The following CDH4 variants were observed in gnomAD, a reference collection of about 807,000 sequenced individuals.
CDH4 encodes the protein cadherin 4, also known as cadherin-4.
Under a neutral mutation model 86.0 loss-of-function variants are expected in CDH4, and 33 were observed. That is an observed-to-expected ratio of 0.38 (90% CI 0.29 to 0.51). The LOEUF (loss-of-function observed/expected upper bound fraction) is 0.51, where lower values mean the gene tolerates loss of function less well. Among genes scored for constraint, CDH4 ranks in the 20% least tolerant of loss-of-function variants. The pLI, the probability that CDH4 is intolerant of heterozygous loss-of-function variation, is 0.86. For missense variants in CDH4, 1,114 were observed against 1,307.4 expected (o/e 0.85, Z 2.28); for synonymous variants, 555 against 549.4 (o/e 1.01, Z -0.14).
chr20:61,730,334 T>A (rs1335452456), intron 2 of CDH4, among the ~76,000 whole-genome samples: 1 of 152,038 alleles, frequency 6.6e-6, no homozygotes, highest in East Asian at 1.9e-4. Context: ...CATCCCTCCC[T>A]CCTCCCACGG....
At chr20:61,287,298 A>G (rs1481150601) in intron 2 of CDH4, among the ~76,000 whole-genome samples, 4 of 152,124 alleles carry the variant, frequency 2.6e-5, no homozygotes, top group Non-Finnish European at 5.9e-5. Flanking sequence ...CAACATCGAG[A>G]GACCTGGTCT....
At chr20:61,364,989 T>C (rs2123325526) in intron 2 of CDH4, among the ~76,000 whole-genome samples, 1 of 152,238 alleles carries the variant, frequency 6.6e-6, no homozygotes, top group Middle Eastern at 3.4e-3. Flanking sequence ...CCTGTTGAGG[T>C]TTAAGAACCA....
chr20:61,656,822 T>G (rs1468114556), intron 2 of CDH4, among the ~76,000 whole-genome samples: 2 of 152,178 alleles, frequency 1.3e-5, no homozygotes, highest in East Asian at 3.9e-4. Flanking sequence ...GTCCTGTGCC[T>G]CAGCTGTGAA....
intron 2 of CDH4, among the ~76,000 whole-genome samples, chr20:61,415,646 G>C (rs547978075): frequency 3.9e-5 from 6 of 152,190 alleles, no homozygotes; most frequent in African/African-American, 1.4e-4. Flanking sequence ...TTTGCATCTA[G>C]CTGTTTTCAC....
chr20:61,572,866 T>TGGATGGATGGATGGAC (rs1221730212), intron 2 of CDH4, among the ~76,000 whole-genome samples: 219 of 150,582 alleles, frequency 1.5e-3, no homozygotes, highest in African/African-American at 5.1e-3. Flanking sequence ...GATGGATGGA[T>TGGATGGATGGATGGAC]GGACAGACAG....
intron 3 of CDH4, among the ~76,000 whole-genome samples, chr20:61,759,111 C>T (rs889710148): frequency 1.3e-5 from 2 of 152,170 alleles, no homozygotes; most frequent in East Asian, 1.9e-4. Flanking sequence ...TCTATATACA[C>T]ACTTTGGGGA....
intron 2 of CDH4, among the ~76,000 whole-genome samples, chr20:61,742,718 T>C (rs968493310): frequency 3.3e-5 from 5 of 152,150 alleles, no homozygotes; most frequent in Non-Finnish European, 7.3e-5. Flanking sequence ...GTCTAAAAAA[T>C]GCACTAATGT....
chr20:61,295,059 AC>A (rs1296799641), intron 2 of CDH4, among the ~76,000 whole-genome samples: 2 of 152,234 alleles, frequency 1.3e-5, no homozygotes, highest in Admixed American at 1.3e-4. Context: ...CTGGTGGAAA[AC>A]AGCCTTTGGG....
At chr20:61,379,504 T>C (rs560100983) in intron 2 of CDH4, among the ~76,000 whole-genome samples, 1 of 152,108 alleles carries the variant, frequency 6.6e-6, no homozygotes, top group South Asian at 2.1e-4. Context: ...TGAAGGTCAT[T>C]AAGAAAATTC....
intron 2 of CDH4, among the ~76,000 whole-genome samples, chr20:61,508,710 C>G (rs1395270300): frequency 6.6e-6 from 1 of 152,256 alleles, no homozygotes; most frequent in African/African-American, 2.4e-5. Context: ...GCTGCCCCAC[C>G]TGGAATGCCT....
chr20:61,539,139 G>T (rs553672506), intron 2 of CDH4, among the ~76,000 whole-genome samples: 1 of 152,168 alleles, frequency 6.6e-6, no homozygotes, highest in East Asian at 1.9e-4. Context: ...CACCGTGGCC[G>T]GTGCACCCAC....
chr20:61,431,141 G>T (rs2085244082), intron 2 of CDH4, among the ~76,000 whole-genome samples: 1 of 152,210 alleles, frequency 6.6e-6, no homozygotes, highest in East Asian at 1.9e-4. Context: ...TCCCACTCCA[G>T]GGGAAGCACG....
intron 4 of CDH4, among the ~76,000 whole-genome samples, chr20:61,843,456 CAAA>C (rs869283452): frequency 5.1e-5 from 3 of 58,846 alleles, no homozygotes; most frequent in African/African-American, 1.5e-4. Context: ...GACTCCGTCT[CAAA>C]AAAAAAAAAA....
chr20:61,507,942 A>G (rs1264818176), intron 2 of CDH4, among the ~76,000 whole-genome samples: 1 of 152,260 alleles, frequency 6.6e-6, no homozygotes, highest in Non-Finnish European at 1.5e-5. Flanking sequence ...TTTAAAATGT[A>G]TAAACAAGAT....
intron 2 of CDH4, among the ~76,000 whole-genome samples, chr20:61,741,985 C>T (rs1382177156): frequency 2.0e-5 from 3 of 152,188 alleles, no homozygotes; most frequent in Non-Finnish European, 4.4e-5. Context: ...CATCTCTCAG[C>T]AATCACAGCA....
chr20:61,252,490 G>T lies in CDH4; in HGVS notation c.-24G>T. 8.7e-7 allele frequency: 1 copy of T among 1,146,800 alleles called. No homozygotes were observed. The highest frequency in any genetic ancestry group is 1.1e-6 in the Non-Finnish European group (1 of 933,648). The allele number at this position is 1,146,800 out of a possible 1,614,324, so 71.0% of individuals were successfully genotyped here. A position where few individuals can be genotyped will look rare whatever the true frequency, so the allele number is the denominator to read the frequency against. ...GGCAGGGAGCGGGCTCCCGGTGCCG[G>T]GCACCGGGCGGGCGGCGGGGAAGAT... is the stretch of plus-strand genomic sequence containing the variant. On this transcript the variant is annotated 5_prime_UTR_variant, in exon 1 of 16. Transcript: ENST00000614565. This position sits in a 1 kb window ranked among gnomAD's most constrained non-coding sequence, Gnocchi z 4.4.
intron 2 of CDH4, among the ~76,000 whole-genome samples, chr20:61,701,673 T>C (rs2087777843): frequency 6.6e-6 from 1 of 152,246 alleles, no homozygotes; most frequent in Non-Finnish European, 1.5e-5. Flanking sequence ...AGGAACGGAC[T>C]CACCAGGCAG....
At position 61,582,589 on chromosome 20, in the gene CDH4, G is replaced by A. The variant is rs2086437799; in HGVS notation, c.170-160974G>A. 6.6e-6 allele frequency among the ~76,000 whole-genome samples: 1 copy of A among 152,162 alleles called. No individual in the cohort carries two copies. Among genetic ancestry groups the A allele is most frequent in the South Asian group, 2.1e-4 (1 of 4,830 alleles). On this transcript the variant is annotated intron_variant, in intron 2 of 15. Transcript: ENST00000614565. This position sits in a 1 kb window ranked among gnomAD's most constrained non-coding sequence, Gnocchi z 4.2. ...TCCCCAGTTGCACCCAGTGCCCTGA[G>A]AGCTGCACCTAGAGCTTCTTCCGTC...
rs2145497738 is a variant in CDH4 at position 61,417,531 on chromosome 20, C to G, written c.169+162594C>G. 6.6e-6 allele frequency among the ~76,000 whole-genome samples: 1 copy of G among 152,326 alleles called. No homozygotes were observed. The highest frequency in any genetic ancestry group is 1.9e-4 in the East Asian group (1 of 5,174). ...GGAATCGGGCCATCGGAACATCTCC[C>G]CTTCTGGGTTGATTACTGTCAACAA... On this transcript the variant is annotated intron_variant, in intron 2 of 15. Coordinates refer to ENST00000614565, the MANE Select transcript of CDH4 (RefSeq NM_001794.5). The surrounding 1 kb of genome is among the most constrained non-coding windows in gnomAD (Gnocchi z 4.0).
Sources: gnomAD v4.1 joint callset for allele counts (sites outside exome capture counted in the v4.1 genomes callset) on GRCh38, gnomAD v4.1.1 for gene constraint, Gnocchi (gnomAD v3.1) non-coding constraint, MANE v1.5 for transcripts, NCBI Gene and HGNC (gene_info 2026-07-23, HGNC 2026-07-21) for gene names.